ZNF292: variants seen among roughly 807,000 people sequenced by gnomAD.
ZNF292 encodes 16 zinc-finger domain protein.
In ZNF292, 26 loss-of-function variants were observed where a neutral mutation model predicts 217.9. The observed-to-expected ratio is 0.12, with a 90% confidence interval of 0.09 to 0.17. The LOEUF is 0.17. Among genes scored for constraint, ZNF292 ranks in the 10% least tolerant of loss-of-function variants. The probability of loss-of-function intolerance (pLI) is 1.00; values close to 1 mark genes in which losing one functional copy is unlikely to be tolerated. For synonymous variants in ZNF292, 1,257 were observed against 1,124.1 expected (o/e 1.12, Z -2.37); for missense variants, 2,904 against 3,175.2 (o/e 0.91, Z 2.05).
intron 1 of ZNF292, among the ~76,000 whole-genome samples, chr6:87,207,017 T>G (rs927796574): frequency 6.6e-6 from 1 of 152,210 alleles, no homozygotes; most frequent in African/African-American, 2.4e-5. Flanking sequence ...TGAAATTGGA[T>G]AGAAAGTTGT....
intron 1 of ZNF292, among the ~76,000 whole-genome samples, chr6:87,170,877 T>C (rs956002753): frequency 1.3e-5 from 2 of 152,194 alleles, no homozygotes; most frequent in Admixed American, 1.3e-4. Flanking sequence ...GGGGACCTTT[T>C]ATGGTTGTTA....
At chr6:87,164,517 A>AT (rs1770851364) in intron 1 of ZNF292, among the ~76,000 whole-genome samples, 1 of 152,158 alleles carries the variant, frequency 6.6e-6, no homozygotes, top group Admixed American at 6.5e-5. Context: ...ACTCTACCAC[A>AT]TGTCCCTTTT....
At chr6:87,254,499 A>C in intron 7 of ZNF292, 151 bp from the exon 8 acceptor site, 1 of 698,526 alleles carries the variant, frequency 1.4e-6, no homozygotes, top group Non-Finnish European at 2.4e-6. Flanking sequence ...CACATACCAG[A>C]CTAAGCTGCA....
chr6:87,182,032 T>TATTA (rs1226189274), intron 1 of ZNF292, among the ~76,000 whole-genome samples: 2 of 152,272 alleles, frequency 1.3e-5, no homozygotes, highest in East Asian at 3.9e-4. Context: ...TTAAATTACA[T>TATTA]ATTATCCTTG....
rs548157840 is a variant in ZNF292, at chr6:87,264,492, T to C, written c.*2691T>C. On this transcript the variant is annotated 3_prime_UTR_variant, in exon 8 of 8. Coordinates refer to ENST00000369577, the MANE Select transcript of ZNF292 (RefSeq NM_015021.3). ...TGCTGTAGATAATATGAAAGTACAA[T>C]AATACTATACCTAGGGACATCAGAA... Among the ~76,000 whole-genome samples, 1 of 152,334 alleles carries C rather than the reference T, an allele frequency of 6.6e-6. No homozygotes were observed. Among genetic ancestry groups the C allele is most frequent in the South Asian group, 2.1e-4 (1 of 4,830 alleles).
rs1426046564 is a variant in ZNF292, at chr6:87,262,530, C to G, written c.*729C>G. 1 of 148,384 alleles carries G rather than the reference C, an allele frequency of 6.7e-6. No homozygotes were observed. The allele number at this position is 148,384 out of a possible 1,614,324, so 9.2% of individuals were successfully genotyped here. ...CTACAGTTTTTTTTTTTCATTGCTT[C>G]TAATTGGATATAGTTACTATGAGTC... is the stretch of plus-strand genomic sequence containing the variant. On this transcript the variant is annotated 3_prime_UTR_variant, in exon 8 of 8. Transcript: ENST00000369577.
intron 1 of ZNF292, among the ~76,000 whole-genome samples, chr6:87,161,638 A>G (rs1297872004): frequency 6.6e-6 from 1 of 152,142 alleles, no homozygotes; most frequent in South Asian, 2.1e-4. Context: ...TTGGTCTCAA[A>G]CTCCTGTGCT....
chr6:87,206,128 T>C (rs982544429), intron 1 of ZNF292, among the ~76,000 whole-genome samples: 1 of 152,202 alleles, frequency 6.6e-6, no homozygotes, highest in Non-Finnish European at 1.5e-5. Flanking sequence ...TATCTTCTCA[T>C]TGTGAGGGCA....
chr6:87,198,184 ATTTATT>A (rs1772011619), intron 1 of ZNF292, among the ~76,000 whole-genome samples: 1 of 23,882 alleles, frequency 4.2e-5, no homozygotes, highest in Admixed American at 6.0e-4. Context: ...TGTTTATTTT[ATTTATT>A]TATTTATTTA....
intron 1 of ZNF292, among the ~76,000 whole-genome samples, chr6:87,191,189 C>T (rs535182287): frequency 2.0e-5 from 3 of 151,754 alleles, no homozygotes; most frequent in South Asian, 4.2e-4. Context: ...TGTGTTAAAC[C>T]AGAAGTGTTC....
chr6:87,179,158 C>CT lies in ZNF292; in HGVS notation c.168+23416dup, dbSNP rs10670719. Among the ~76,000 whole-genome samples the CT allele has an allele frequency of 2.1e-3, 243 of 116,352 alleles. 10 individuals are homozygous for CT. In the South Asian group the frequency reaches 0.023, roughly 11 times the overall value. 76.3% of individuals were successfully genotyped at this position (116,352 alleles called of 152,430 possible). On this transcript the variant is annotated intron_variant, in intron 1 of 7. Coordinates refer to ENST00000369577, the MANE Select transcript of ZNF292 (RefSeq NM_015021.3). ...AAGTCTGTATTTGTGATATATGTGG[C>CT]TTTTTTTTTTTTTTTTTGGGAGATG...
rs865865675 is a variant in ZNF292, at chr6:87,196,041, C to A, written c.169-19862C>A. Among the ~76,000 whole-genome samples, 1,128 of 146,344 alleles carry A rather than the reference C, an allele frequency of 7.7e-3. 20 individuals carry two copies. Among genetic ancestry groups the A allele is most frequent in the African/African-American group, 0.024 (952 of 39,402 alleles). ...AGACTCCGTCTCAAAAAAAAAAAAA[C>A]AAAAAGAAAAAAAAATTGAGAATTA... On this transcript the variant is annotated intron_variant, in intron 1 of 7. Transcript: ENST00000369577.
chr6:87,248,638 G>A lies in ZNF292; in HGVS notation c.1020+2994G>A, dbSNP rs115121887. Among the ~76,000 whole-genome samples, 1,474 of 152,288 alleles carry A rather than the reference G, an allele frequency of 9.7e-3. 18 individuals are homozygous for A. The highest frequency in any genetic ancestry group is 0.033 in the African/African-American group (1,391 of 41,560). On this transcript the variant is annotated intron_variant, in intron 7 of 7. Transcript: ENST00000369577. The stretch of plus-strand genomic sequence containing the variant: ...AATAAATTTCCTATGAAACTACTAT[G>A]CAGTTTTAAATCATAGGTTGTGCCA...
At chr6:87,158,586 A>G (rs57607342) in intron 1 of ZNF292, among the ~76,000 whole-genome samples, 12,425 of 152,244 alleles carry the variant, frequency 0.082, 862 homozygotes, top group African/African-American at 0.19. Flanking sequence ...AGGTGGGAGG[A>G]TCATTTGAAC....
chr6:87,183,109 A>AAATGCTTG (rs1771519628), intron 1 of ZNF292, among the ~76,000 whole-genome samples: 1 of 152,180 alleles, frequency 6.6e-6, no homozygotes, highest in African/African-American at 2.4e-5. Flanking sequence ...GAAAAAGAAA[A>AAATGCTTG]AATGCTTGCA....
At chr6:87,218,429 C>T (rs2127805391) in intron 3 of ZNF292, among the ~76,000 whole-genome samples, 167 bp from the exon 4 acceptor site, 1 of 152,068 alleles carries the variant, frequency 6.6e-6, no homozygotes, top group African/African-American at 2.4e-5. Flanking sequence ...TATTTCTTAT[C>T]CTTGAAATTC....
chr6:87,259,596 A>G lies in ZNF292; in HGVS notation c.5967A>G (p.Gly1989=). Residue 1989 remains glycine, a synonymous_variant, in exon 8 of 8, where the codon GGA becomes GGG. Coordinates refer to ENST00000369577, the MANE Select transcript of ZNF292 (RefSeq NM_015021.3). ...MVKLKIKRPY[G]RKSQSENVPA... is the part of the protein sequence containing the mutation. ...AGTTAAAAATTAAAAGGCCTTATGG[A>G]AGAAAATCTCAGAGTGAAAATGTGC... 4 of 1,578,316 alleles carry G rather than the reference A, an allele frequency of 2.5e-6. No individual in the cohort carries two copies. Among genetic ancestry groups the G allele is most frequent in the Non-Finnish European group, 2.6e-6 (3 of 1,161,132 alleles).
chr6:87,159,745 C>T (rs1052045084), intron 1 of ZNF292, among the ~76,000 whole-genome samples: 1 of 152,094 alleles, frequency 6.6e-6, no homozygotes, highest in Non-Finnish European at 1.5e-5. Flanking sequence ...TCCCAAAGTG[C>T]TGGGATTACA....
chr6:87,261,583 G>C lies in ZNF292; in HGVS notation c.7954G>C (p.Val2652Leu). Residue 2652 changes from valine to leucine, a missense_variant, in exon 8 of 8, where the codon GTA becomes CTA. Val to Leu is a conservative substitution (Grantham distance 32). Transcript: ENST00000369577. Reference sequence around the variant, plus strand: ...TCCTTGTAAAGAAAGCGAAACGTTTGTACAGTTTGCCAATCCATCACAGCT... The same window carrying C: ...TCCTTGTAAAGAAAGCGAAACGTTTCTACAGTTTGCCAATCCATCACAGCT... ...VCPCKESETF[V>L]QFANPSQLQC... is the part of the protein sequence containing the mutation. The C allele has an allele frequency of 6.2e-7, 1 of 1,610,998 alleles. No individual in the cohort carries two copies. The highest frequency in any genetic ancestry group is 8.5e-7 in the Non-Finnish European group (1 of 1,178,320).
Sources: gnomAD v4.1 joint callset for allele counts (sites outside exome capture counted in the v4.1 genomes callset) on GRCh38, gnomAD v4.1.1 for gene constraint, MANE v1.5 for transcripts, NCBI Gene and HGNC (gene_info 2026-07-23, HGNC 2026-07-21) for gene names.